Variants in NEBL observed in about 807,000 individuals in gnomAD.
NEBL encodes the protein LIM and SH3 protein 2.
A neutral mutation model predicts 140.2 loss-of-function variants in NEBL; 122 were observed. That is an observed-to-expected ratio of 0.87 (90% CI 0.75 to 1.01). NEBL has a LOEUF of 1.01. NEBL is among the 50% of genes least tolerant of loss of function. The pLI is 0.00. For synonymous variants in NEBL, 436 were observed against 398.9 expected, an observed-to-expected ratio of 1.09 and a Z score of -1.11; for missense variants, 1,365 against 1,231.3, an observed-to-expected ratio of 1.11 and a Z score of -1.62.
intron 4 of NEBL, among the ~76,000 whole-genome samples, chr10:20,920,965 A>G (rs1009256180): frequency 1.3e-5 from 2 of 152,220 alleles, no homozygotes; most frequent in Non-Finnish European, 2.9e-5. Flanking sequence ...TGAAAATATT[A>G]TATTTTTTCT....
intron 3 of NEBL, among the ~76,000 whole-genome samples, chr10:21,243,156 G>A (rs7092555): frequency 0.19 from 28,906 of 151,954 alleles, 3,128 homozygotes; most frequent in African/African-American, 0.28. Context: ...TTCCGGGAGT[G>A]GGAAGTGTCT....
At chr10:21,199,572 C>T (rs530495954) in intron 3 of NEBL, among the ~76,000 whole-genome samples, 55 of 152,312 alleles carry the variant, frequency 3.6e-4, no homozygotes, top group African/African-American at 1.3e-3. Context: ...ATGAACACAG[C>T]TCAAGGGTGA....
At chr10:21,204,870 A>G (rs1193452914) in intron 3 of NEBL, among the ~76,000 whole-genome samples, 1 of 152,210 alleles carries the variant, frequency 6.6e-6, no homozygotes, top group Non-Finnish European at 1.5e-5. Flanking sequence ...ACTCCCCGTC[A>G]TGAAACCATG....
intron 2 of NEBL, among the ~76,000 whole-genome samples, chr10:21,159,383 C>A (rs1190050382): frequency 6.6e-6 from 1 of 152,146 alleles, no homozygotes; most frequent in Non-Finnish European, 1.5e-5. Flanking sequence ...TCCCCTACAC[C>A]GTTTGAAGGT....
chr10:20,826,425 A>C (rs1455654515), intron 18 of NEBL, 22 bp downstream of exon 18: 2 of 1,567,998 alleles, frequency 1.3e-6, no homozygotes, highest in Non-Finnish European at 1.8e-6. Context: ...AGAAAAGATA[A>C]TTAATGCTGT....
chr10:21,068,444 A>C (rs1835663859), intron 2 of NEBL, among the ~76,000 whole-genome samples: 2 of 152,206 alleles, frequency 1.3e-5, no homozygotes, highest in Non-Finnish European at 2.9e-5. Context: ...AATCAGGCCC[A>C]GCCAAATAAC....
chr10:21,286,697 G>A (rs954538967), intron 1 of NEBL, among the ~76,000 whole-genome samples: 3 of 152,180 alleles, frequency 2.0e-5, no homozygotes, highest in African/African-American at 7.2e-5. Context: ...AGCCAGGCGT[G>A]GTGGTGGGCA....
At chr10:20,898,102 A>C (rs558608841), upstream of NEBL, among the ~76,000 whole-genome samples, 88 of 152,320 alleles carry the variant, frequency 5.8e-4, no homozygotes, top group African/African-American at 2.1e-3. Context: ...CATTCAGAAA[A>C]GTTTGGAAAA....
chr10:21,278,348 G>A (rs989027437), intron 1 of NEBL, among the ~76,000 whole-genome samples: 2 of 152,200 alleles, frequency 1.3e-5, no homozygotes, highest in African/African-American at 4.8e-5. Context: ...GGAGGCTGAG[G>A]CAGGAGGATC....
rs541195701 is a variant in NEBL at position 21,129,695 on chromosome 10, G to T, written c.164+42688C>A. On this transcript the variant is annotated intron_variant, in intron 2 of 6. Coordinates refer to the NEBL transcript ENST00000417816. ...AGAGGATTTGGATTACCTGTATATT[G>T]CAAACCTCAGGGCAACCACTAAAAA... Among the ~76,000 whole-genome samples, 3 of 151,962 alleles carry T rather than the reference G, an allele frequency of 2.0e-5. No individual in the cohort carries two copies. The South Asian group carries it at 6.2e-4, about 32-fold the overall frequency.
chr10:21,207,157 A>C (rs1841841021), intron 3 of NEBL, among the ~76,000 whole-genome samples: 1 of 151,816 alleles, frequency 6.6e-6, no homozygotes, highest in Non-Finnish European at 1.5e-5. Flanking sequence ...TATTTGTAGT[A>C]GAGATGGGGT....
intron 2 of NEBL, among the ~76,000 whole-genome samples, chr10:21,103,370 T>A (rs879361333): frequency 6.6e-6 from 1 of 151,912 alleles, no homozygotes; most frequent in African/African-American, 2.4e-5. Flanking sequence ...CCCGCCACCA[T>A]GCCCGGCTAA....
chr10:21,262,574 G>A (rs1187527964), intron 1 of NEBL, among the ~76,000 whole-genome samples: 1 of 152,174 alleles, frequency 6.6e-6, no homozygotes, highest in African/African-American at 2.4e-5. Flanking sequence ...CAAAGCTGTG[G>A]GCAGTTAAAT....
chr10:21,093,905 A>G (rs1167088294), intron 2 of NEBL, among the ~76,000 whole-genome samples: 1 of 152,188 alleles, frequency 6.6e-6, no homozygotes, highest in African/African-American at 2.4e-5. Flanking sequence ...CTTCTTTTCT[A>G]CAGAGATATT....
rs1838859550 is a variant in NEBL, at chr10:20,817,639, C to A, written c.2109G>T (p.Glu703Asp). The A allele has an allele frequency of 6.2e-7, 1 of 1,613,916 alleles. No homozygotes were observed. The highest frequency in any genetic ancestry group is 8.5e-7 in the Non-Finnish European group (1 of 1,179,922). Residue 703 changes from glutamate to aspartate, a missense_variant, in exon 21 of 28, where the codon GAG becomes GAT. Glu to Asp is a conservative substitution (Grantham distance 45). This residue lies in a region of NEBL where 1,323 missense variants were observed against 1,154.8 expected (regional missense o/e 1.15). Transcript: ENST00000377122. ...TCTGGTTTTCTTTTGCCCTCTTCAG[C>A]TCTGGTGGATCAGAAATTGCAGTTC... is the stretch of plus-strand genomic sequence containing the variant. ...QRGTAISDPP[E>D]LKRAKENQKN...
intron 3 of NEBL, among the ~76,000 whole-genome samples, chr10:21,235,909 C>T (rs753961279): frequency 1.3e-5 from 2 of 152,096 alleles, no homozygotes; most frequent in Non-Finnish European, 2.9e-5. Flanking sequence ...AAACATAGGT[C>T]ATCAGTCAAA....
chr10:21,069,227 G>T (rs970375143), intron 2 of NEBL, among the ~76,000 whole-genome samples: 1 of 152,124 alleles, frequency 6.6e-6, no homozygotes, highest in African/African-American at 2.4e-5. Flanking sequence ...AACCCACTTT[G>T]CTCCCAGCTT....
At chr10:20,959,539 T>C (rs899638434) in intron 4 of NEBL, among the ~76,000 whole-genome samples, 3 of 152,114 alleles carry the variant, frequency 2.0e-5, no homozygotes, top group African/African-American at 4.8e-5. Flanking sequence ...CCTTGAGTAA[T>C]ATGGAAAACC....
At chr10:21,252,032 C>T (rs770761329) in intron 1 of NEBL, among the ~76,000 whole-genome samples, 32 of 152,296 alleles carry the variant, frequency 2.1e-4, no homozygotes, top group Non-Finnish European at 2.8e-4. Flanking sequence ...ACAGCTTCCC[C>T]GCCCTCCGCT....
Sources: gnomAD v4.1 joint callset for allele counts (sites outside exome capture counted in the v4.1 genomes callset) on GRCh38, gnomAD v4.1.1 for gene constraint, gnomAD v4.1.1 regional missense constraint, MANE v1.5 for transcripts, NCBI Gene and HGNC (gene_info 2026-07-23, HGNC 2026-07-21) for gene names.